The following TRMT11 variants were observed in gnomAD, a reference collection of about 807,000 sequenced individuals.
TRMT11 encodes the protein tRNA methyltransferase 11.
In TRMT11, 53 loss-of-function variants were observed where a neutral mutation model predicts 62.8. The observed-to-expected ratio is 0.84, with a 90% CI of 0.68 to 1.06. TRMT11 has a LOEUF of 1.06. TRMT11 is among the 50% of genes least tolerant of loss of function. TRMT11 has a pLI of 0.00. For synonymous variants in TRMT11, 188 were observed against 190.3 expected, an observed-to-expected ratio of 0.99 and a Z score of 0.10; for missense variants, 556 against 553.4, an observed-to-expected ratio of 1.00 and a Z score of -0.05.
At chr6:126,237,036 A>T in the TRMT11 span, among the ~76,000 whole-genome samples, 4 of 151,758 alleles carry the variant, frequency 2.6e-5, no homozygotes, top group South Asian at 8.3e-4. Flanking sequence ...GGTCTCCTAA[A>T]CCTTTCTAGG....
intron 12 of TRMT11, among the ~76,000 whole-genome samples, chr6:126,024,965 A>G (rs1009742356): frequency 6.6e-6 from 1 of 152,216 alleles, no homozygotes; most frequent in Non-Finnish European, 1.5e-5. Context: ...CATGTAAAAA[A>G]CAAACATTAC....
chr6:126,163,186 G>C (rs1056389931), intron 21 of TRMT11, among the ~76,000 whole-genome samples: 1 of 152,142 alleles, frequency 6.6e-6, no homozygotes, highest in African/African-American at 2.4e-5. Flanking sequence ...TATGACATTG[G>C]CTGTGGGTTT....
chr6:126,073,465 T>TA (rs1418877958), intron 17 of TRMT11, among the ~76,000 whole-genome samples: 1 of 152,196 alleles, frequency 6.6e-6, no homozygotes, highest in African/African-American at 2.4e-5. Context: ...CTTTTTTTTT[T>TA]AACTTAATGG....
intron 17 of TRMT11, among the ~76,000 whole-genome samples, chr6:126,085,523 G>A (rs556169505): frequency 1.5e-3 from 229 of 152,244 alleles, no homozygotes; most frequent in African/African-American, 5.0e-3. Flanking sequence ...TTTAACATGA[G>A]AAAAATTGTT....
chr6:126,176,845 T>C (rs1778391202), upstream of TRMT11, among the ~76,000 whole-genome samples: 1 of 152,202 alleles, frequency 6.6e-6, no homozygotes, highest in African/African-American at 2.4e-5. Context: ...ACTTGACAGC[T>C]TGATATATGA....
In TRMT11 at chr6:125,998,532, T is replaced by G. The variant is rs1367156809; in HGVS notation, c.388-18T>G. Reference sequence around the variant, plus strand: ...GTAAATTATTATAAGACATCAGCATTTCTTTTGTTTCTTTTAGGCACTTGA... The same window carrying G: ...GTAAATTATTATAAGACATCAGCATGTCTTTTGTTTCTTTTAGGCACTTGA... On this transcript the variant is annotated intron_variant, in intron 5 of 12. Transcript: ENST00000334379. 6.2e-7 allele frequency: 1 copy of G among 1,604,630 alleles called. No individual in the cohort carries two copies. Among genetic ancestry groups the G allele is most frequent in the African/African-American group, 1.3e-5 (1 of 74,220 alleles).
chr6:126,116,165 A>G (rs1011724413), intron 21 of TRMT11, among the ~76,000 whole-genome samples: 1 of 151,960 alleles, frequency 6.6e-6, no homozygotes, highest in African/African-American at 2.4e-5. Flanking sequence ...CAACAAGGTG[A>G]GCTTTCTAGG....
chr6:126,025,162 A>AC, intron 12 of TRMT11, among the ~76,000 whole-genome samples: 1 of 152,332 alleles, frequency 6.6e-6, no homozygotes, highest in Middle Eastern at 3.4e-3. Context: ...AAATTTAAAA[A>AC]TTAAGACCCA....
intron 17 of TRMT11, among the ~76,000 whole-genome samples, chr6:126,095,098 C>G (rs1034905897): frequency 6.6e-6 from 1 of 152,132 alleles, no homozygotes; most frequent in African/African-American, 2.4e-5. Context: ...TTAGGTCTGG[C>G]GCTGACCTTG....
chr6:126,167,357 G>A (rs1778280641), intron 21 of TRMT11, among the ~76,000 whole-genome samples: 1 of 152,200 alleles, frequency 6.6e-6, no homozygotes, highest in African/African-American at 2.4e-5. Context: ...GCTTCCCTTG[G>A]CTAGGGGAGG....
intron 18 of TRMT11, among the ~76,000 whole-genome samples, chr6:126,113,560 C>G (rs532808711): frequency 1.3e-5 from 2 of 152,164 alleles, no homozygotes; most frequent in East Asian, 3.9e-4. Flanking sequence ...TCCATCTACT[C>G]AATGAATCAA....
intron 1 of TRMT11, among the ~76,000 whole-genome samples, chr6:126,192,144 T>A (rs1673588889): frequency 6.6e-6 from 1 of 152,162 alleles, no homozygotes; most frequent in African/African-American, 2.4e-5. Flanking sequence ...ATAGCTTTTC[T>A]TGAAGAGACC....
intron 7 of TRMT11, among the ~76,000 whole-genome samples, chr6:126,000,388 A>G (rs1792273392): frequency 6.6e-6 from 1 of 152,102 alleles, no homozygotes; most frequent in Admixed American, 6.6e-5. Context: ...ATGCAGAGCT[A>G]ACGTTTATTG....
At chr6:126,221,325 T>C in the TRMT11 span, among the ~76,000 whole-genome samples, 1 of 152,192 alleles carries the variant, frequency 6.6e-6, no homozygotes, top group African/African-American at 2.4e-5. Flanking sequence ...AAGTTCTTTG[T>C]GAAATCTCCA....
the TRMT11 span, among the ~76,000 whole-genome samples, chr6:126,225,044 C>T: frequency 2.0e-5 from 3 of 152,192 alleles, no homozygotes; most frequent in African/African-American, 7.2e-5. Context: ...GTGCTCAGAT[C>T]AGACTGGCCT....
chr6:126,264,197 C>G, the TRMT11 span, among the ~76,000 whole-genome samples: 3 of 152,200 alleles, frequency 2.0e-5, no homozygotes, highest in South Asian at 6.2e-4. Flanking sequence ...CAGGAGTAAA[C>G]TACTTTCTAT....
At chr6:126,151,830 C>CTTTCTT (rs1554242230) in intron 21 of TRMT11, among the ~76,000 whole-genome samples, 2 of 112,414 alleles carry the variant, frequency 1.8e-5, no homozygotes, top group East Asian at 4.6e-4. Context: ...TTCTTTCTTT[C>CTTTCTT]TTTCTTTCTT....
At chr6:126,189,272 T>G (rs1441890319) in intron 1 of TRMT11, among the ~76,000 whole-genome samples, 1 of 152,142 alleles carries the variant, frequency 6.6e-6, no homozygotes, top group Non-Finnish European at 1.5e-5. Flanking sequence ...GTGGTGAGGT[T>G]AAATGAGTTT....
At chr6:125,992,658 G>A (rs1268328432) in intron 1 of TRMT11, among the ~76,000 whole-genome samples, 3 of 152,200 alleles carry the variant, frequency 2.0e-5, no homozygotes, top group East Asian at 1.9e-4. Context: ...GAGGATTTAA[G>A]ATTCTTGTAT....
Sources: gnomAD v4.1 joint callset for allele counts (sites outside exome capture counted in the v4.1 genomes callset) on GRCh38, gnomAD v4.1.1 for gene constraint, MANE v1.5 for transcripts, NCBI Gene and HGNC (gene_info 2026-07-23, HGNC 2026-07-21) for gene names.